Variants in PPP1R12A observed in about 807,000 individuals in gnomAD.
PPP1R12A encodes the protein protein phosphatase 1 regulatory subunit 12A, also known as myosin binding subunit.
PPP1R12A carries 19 observed loss-of-function variants against 139.6 expected under a neutral mutation model. That is an observed-to-expected ratio of 0.14 (90% confidence interval 0.09 to 0.20). The LOEUF is 0.20. Among genes scored for constraint, PPP1R12A ranks in the 10% least tolerant of loss-of-function variants. The pLI is 1.00. For synonymous variants in PPP1R12A, 427 were observed against 420.6 expected, an observed-to-expected ratio of 1.02 and a Z score of -0.19; for missense variants, 925 against 1,211.5, an observed-to-expected ratio of 0.76 and a Z score of 3.51.
At chr12:79,796,541 T>C (rs1189869113) in intron 17 of PPP1R12A, among the ~76,000 whole-genome samples, 3 of 152,188 alleles carry the variant, frequency 2.0e-5, no homozygotes, top group African/African-American at 4.8e-5. Context: ...CTTTTCGTTG[T>C]AGGTGGACAT....
At chr12:79,872,192 C>T (rs1882646605) in intron 2 of PPP1R12A, among the ~76,000 whole-genome samples, 1 of 151,994 alleles carries the variant, frequency 6.6e-6, no homozygotes, top group South Asian at 2.1e-4. Context: ...AAACTGTTTA[C>T]TGTGTGGATA....
At chr12:79,886,964 G>T (rs1378793279) in intron 1 of PPP1R12A, among the ~76,000 whole-genome samples, 2 of 152,100 alleles carry the variant, frequency 1.3e-5, no homozygotes, top group African/African-American at 4.8e-5. Context: ...TAAGGGCACA[G>T]AATTTCTTCT....
intron 10 of PPP1R12A, 25 bp downstream of exon 10, chr12:79,809,770 G>A: frequency 6.4e-7 from 1 of 1,557,086 alleles, no homozygotes; most frequent in Non-Finnish European, 8.8e-7. Flanking sequence ...AGTTTTCATA[G>A]AAACCAGACT....
intron 18 of PPP1R12A, 52 bp downstream of exon 18, chr12:79,795,586 T>TATC: frequency 6.5e-7 from 1 of 1,541,498 alleles, no homozygotes; most frequent in Non-Finnish European, 8.8e-7. Flanking sequence ...TTGGACACAT[T>TATC]AAGAATACTA....
chr12:79,802,774 T>C (rs1873349487), intron 14 of PPP1R12A, among the ~76,000 whole-genome samples: 2 of 151,964 alleles, frequency 1.3e-5, no homozygotes, highest in East Asian at 3.9e-4. Context: ...AGATCCTGTC[T>C]TGGAAAAAAA....
At chr12:79,849,438 A>T (rs900016733) in intron 2 of PPP1R12A, among the ~76,000 whole-genome samples, 1 of 152,200 alleles carries the variant, frequency 6.6e-6, no homozygotes, top group African/African-American at 2.4e-5. Context: ...AATGTTAAAC[A>T]AACTACAGGC....
intron 1 of PPP1R12A, among the ~76,000 whole-genome samples, chr12:79,907,869 G>A (rs1886256567): frequency 6.6e-6 from 1 of 152,272 alleles, no homozygotes; most frequent in Non-Finnish European, 1.5e-5. Context: ...CTGTACTCCA[G>A]GTTGGGAGAC....
At chr12:79,904,860 G>C (rs556929481) in intron 1 of PPP1R12A, among the ~76,000 whole-genome samples, 2 of 152,286 alleles carry the variant, frequency 1.3e-5, no homozygotes, top group South Asian at 4.1e-4. Flanking sequence ...TGGAGACCAA[G>C]AGGGGAAAAG....
At chr12:79,887,277 A>T (rs564584214) in intron 1 of PPP1R12A, among the ~76,000 whole-genome samples, 1 of 152,166 alleles carries the variant, frequency 6.6e-6, no homozygotes, top group South Asian at 2.1e-4. Flanking sequence ...AGACATGCTG[A>T]CTTTATTAGT....
chr12:79,861,296 A>G (rs1273432248), intron 2 of PPP1R12A, among the ~76,000 whole-genome samples: 1 of 152,252 alleles, frequency 6.6e-6, no homozygotes, highest in Non-Finnish European at 1.5e-5. Context: ...TAAGGATAAT[A>G]GCTGCAGTGG....
At chr12:79,781,661 C>G (rs187959963) in intron 23 of PPP1R12A, among the ~76,000 whole-genome samples, 154 bp downstream of exon 23, 39 of 151,838 alleles carry the variant, frequency 2.6e-4, no homozygotes, top group Non-Finnish European at 4.3e-4. Context: ...CCATAGAATT[C>G]TATAAAGAAG....
At position 79,809,855 on chromosome 12, in the gene PPP1R12A, T is replaced by G; in HGVS notation, c.1395A>C (p.Ala465=). ...SKEGQKEKDT[A]GVTRSASSPR... ...GACTTGAAGCTGAACGTGTAACACC[T>G]GCAGTATCTTTTTCTTTCTGACCCT... Residue 465 remains alanine (A), a synonymous_variant, in exon 10 of 25, where the codon GCA becomes GCC. Transcript: ENST00000450142. The G allele has an allele frequency of 1.2e-6, 2 of 1,613,558 alleles. No homozygotes were observed. Among genetic ancestry groups the G allele is most frequent in the Non-Finnish European group, 1.7e-6 (2 of 1,179,668 alleles).
chr12:79,878,715 T>A (rs1421876097), intron 1 of PPP1R12A, among the ~76,000 whole-genome samples: 1 of 151,994 alleles, frequency 6.6e-6, no homozygotes, highest in African/African-American at 2.4e-5. Context: ...ACAGGAAAAG[T>A]CCCTTATAAA....
At chr12:79,911,397 A>C (rs571091364) in intron 1 of PPP1R12A, among the ~76,000 whole-genome samples, 1 of 152,258 alleles carries the variant, frequency 6.6e-6, no homozygotes, top group East Asian at 1.9e-4. Context: ...TAAACAACAA[A>C]AACACATGGA....
In PPP1R12A at chr12:79,796,941, G is replaced by T. The variant is rs201949074; in HGVS notation, c.2302C>A (p.Arg768Ser). 1.9e-6 allele frequency: 3 copies of T among 1,607,354 alleles called. No homozygotes were observed. The highest frequency in any genetic ancestry group is 2.5e-6 in the Non-Finnish European group (3 of 1,177,624). The change falls in exon 17 of 25, where the codon CGT (arginine) becomes AGT (serine). Residue 768 changes from arginine to serine, a missense_variant. This residue lies in a region of PPP1R12A where 315 missense variants were observed against 363.4 expected (regional missense o/e 0.87). Transcript: ENST00000450142. ...YSRTYDETYQ[R>S]YRPVSTSSST... ...CTTGAAGTTGATACTGGCCTATAAC[G>T]CTGGTAAGTCTGTGAAACATTAAGA...
At chr12:79,803,095 C>T (rs938734858) in intron 14 of PPP1R12A, among the ~76,000 whole-genome samples, 1 of 152,196 alleles carries the variant, frequency 6.6e-6, no homozygotes, top group African/African-American at 2.4e-5. Context: ...AAGTTACTAA[C>T]TGAAATACAT....
At chr12:79,900,819 A>C (rs1419052692) in intron 1 of PPP1R12A, among the ~76,000 whole-genome samples, 4 of 152,186 alleles carry the variant, frequency 2.6e-5, no homozygotes, top group African/African-American at 4.8e-5. Context: ...TCCATCTATT[A>C]AAAATCTCAG....
At chr12:79,913,356 G>A (rs906906516) in intron 1 of PPP1R12A, among the ~76,000 whole-genome samples, 4 of 152,104 alleles carry the variant, frequency 2.6e-5, no homozygotes, top group African/African-American at 9.7e-5. Context: ...CAATCCAACT[G>A]GAATTTATTT....
At chr12:79,887,222 C>T (rs1431787663) in intron 1 of PPP1R12A, among the ~76,000 whole-genome samples, 1 of 152,094 alleles carries the variant, frequency 6.6e-6, no homozygotes. Flanking sequence ...GCATTTATGA[C>T]CTACTGTGTG....
Sources: gnomAD v4.1 joint callset for allele counts (sites outside exome capture counted in the v4.1 genomes callset) on GRCh38, gnomAD v4.1.1 for gene constraint, gnomAD v4.1.1 regional missense constraint, MANE v1.5 for transcripts, NCBI Gene and HGNC (gene_info 2026-07-23, HGNC 2026-07-21) for gene names.